Variants in INPP4B observed in about 807,000 individuals in gnomAD.
The protein encoded by INPP4B is inositol polyphosphate 4-phosphatase type II.
INPP4B carries 55 observed loss-of-function variants against 122.5 expected under a neutral mutation model. The ratio of observed to expected loss-of-function variants is 0.45; its 90% confidence interval spans 0.36 to 0.56. The LOEUF is 0.56. Among genes scored for constraint, INPP4B ranks in the 20% least tolerant of loss-of-function variants. The pLI, the probability that INPP4B is intolerant of heterozygous loss-of-function variation, is 0.00. For synonymous variants in INPP4B, 403 were observed against 388.7 expected, an observed-to-expected ratio of 1.04 and a Z score of -0.43; for missense variants, 1,000 against 1,097.7, an observed-to-expected ratio of 0.91 and a Z score of 1.26.
At chr4:142,314,184 C>G (rs982651633) in intron 8 of INPP4B, among the ~76,000 whole-genome samples, 8 of 152,208 alleles carry the variant, frequency 5.3e-5, no homozygotes, top group African/African-American at 1.9e-4. Flanking sequence ...GCACCCAGTA[C>G]CTTCTTGTTC....
chr4:142,672,266 T>C (rs1441285971), intron 2 of INPP4B, among the ~76,000 whole-genome samples: 2 of 152,146 alleles, frequency 1.3e-5, no homozygotes, highest in Non-Finnish European at 2.9e-5. Flanking sequence ...AGGAGAGAGA[T>C]TGGTGGGTCA....
At chr4:142,084,976 C>G (rs377704670) in intron 24 of INPP4B, among the ~76,000 whole-genome samples, 2 of 152,018 alleles carry the variant, frequency 1.3e-5, no homozygotes, top group African/African-American at 4.8e-5. Context: ...AATTAACAAC[C>G]GTAGTGGTCT....
At chr4:142,736,735 C>T (rs958960013) in intron 1 of INPP4B, among the ~76,000 whole-genome samples, 17 of 152,148 alleles carry the variant, frequency 1.1e-4, no homozygotes, top group African/African-American at 3.9e-4. Flanking sequence ...ACAATCATGT[C>T]ATCTGCAAAC....
At chr4:142,557,398 G>A (rs1218061850) in intron 2 of INPP4B, among the ~76,000 whole-genome samples, 1 of 152,154 alleles carries the variant, frequency 6.6e-6, no homozygotes, top group African/African-American at 2.4e-5. Flanking sequence ...AAGACCTGGA[G>A]AGACGCACAG....
chr4:142,391,501 G>A (rs1797655218), intron 7 of INPP4B, among the ~76,000 whole-genome samples: 1 of 152,206 alleles, frequency 6.6e-6, no homozygotes, highest in African/African-American at 2.4e-5. Flanking sequence ...AGCAGAGGTT[G>A]CAGTAAGCCG....
intron 2 of INPP4B, among the ~76,000 whole-genome samples, chr4:142,585,307 G>T (rs1355504661): frequency 2.6e-5 from 4 of 152,048 alleles, no homozygotes; most frequent in Non-Finnish European, 4.4e-5. Flanking sequence ...TTCTATCTTG[G>T]CTGTCAAATG....
chr4:142,591,085 C>T (rs1331499851), intron 2 of INPP4B, among the ~76,000 whole-genome samples: 3 of 151,938 alleles, frequency 2.0e-5, no homozygotes, highest in South Asian at 2.1e-4. Context: ...GAGGCCGAGG[C>T]GGGCAGATCA....
intron 11 of INPP4B, among the ~76,000 whole-genome samples, chr4:142,249,540 T>G (rs72939266): frequency 0.057 from 8,602 of 152,132 alleles, 495 homozygotes; most frequent in East Asian, 0.21. Context: ...TTTCATGAAG[T>G]GTTTCTAAAA....
intron 15 of INPP4B, among the ~76,000 whole-genome samples, chr4:142,174,511 C>T (rs1827119085): frequency 6.6e-6 from 1 of 152,082 alleles, no homozygotes; most frequent in South Asian, 2.1e-4. Context: ...AGAAAAAGGA[C>T]ATTAGTAGCA....
chr4:142,394,205 G>T (rs1798624231), intron 7 of INPP4B, among the ~76,000 whole-genome samples: 1 of 152,178 alleles, frequency 6.6e-6, no homozygotes, highest in Admixed American at 6.5e-5. Flanking sequence ...GAGTGCTGGG[G>T]CACAATCTCA....
chr4:142,686,373 C>T (rs1759349733), intron 2 of INPP4B, among the ~76,000 whole-genome samples: 2 of 152,002 alleles, frequency 1.3e-5, no homozygotes, highest in Middle Eastern at 3.4e-3. Context: ...GGGTCAAAGC[C>T]AAAAGAAAAA....
intron 15 of INPP4B, among the ~76,000 whole-genome samples, chr4:142,177,112 T>C (rs1486186693): frequency 6.6e-6 from 1 of 152,162 alleles, no homozygotes; most frequent in Non-Finnish European, 1.5e-5. Flanking sequence ...TTCAGTCTCC[T>C]TTGGAGCAGA....
intron 2 of INPP4B, among the ~76,000 whole-genome samples, chr4:142,702,475 A>G (rs1761923566): frequency 6.6e-6 from 1 of 152,192 alleles, no homozygotes; most frequent in Non-Finnish European, 1.5e-5. Flanking sequence ...CTGTACTCCC[A>G]GCAATTTGGG....
chr4:142,172,571 C>T (rs1324458033), intron 16 of INPP4B, among the ~76,000 whole-genome samples: 2 of 151,896 alleles, frequency 1.3e-5, no homozygotes, highest in Non-Finnish European at 2.9e-5. Context: ...TTAGACAATT[C>T]ACTCGAACTT....
At chr4:142,757,645 A>G (rs1192630634) in intron 1 of INPP4B, among the ~76,000 whole-genome samples, 1 of 152,000 alleles carries the variant, frequency 6.6e-6, no homozygotes. Context: ...ATAATTTTCC[A>G]TTGTCTGGAT....
rs538656769 is a variant in INPP4B at position 142,376,886 on chromosome 4, C to T, written c.372+26052G>A. 1.2e-3 allele frequency among the ~76,000 whole-genome samples: 188 copies of T among 152,000 alleles called. 1 individual carries two copies. The highest frequency in any genetic ancestry group is 2.3e-3 in the Non-Finnish European group (158 of 67,926). ...CCTATTGAGGATCAAATGTGGTGCT[C>T]TCTGTACAAATTATTTGTAATTAAT... On this transcript the variant is annotated intron_variant, in intron 7 of 25. Transcript: ENST00000262992.
intron 2 of INPP4B, among the ~76,000 whole-genome samples, chr4:142,696,366 C>A (rs1761027604): frequency 6.6e-6 from 1 of 152,094 alleles, no homozygotes; most frequent in South Asian, 2.1e-4. Context: ...CCCAGCAGCT[C>A]AAGGGAACAA....
intron 2 of INPP4B, among the ~76,000 whole-genome samples, chr4:142,523,023 G>A (rs188497961): frequency 7.4e-4 from 112 of 152,146 alleles, no homozygotes; most frequent in Non-Finnish European, 1.4e-3. Context: ...GAAAGCAAAG[G>A]TAAACTGGAG....
chr4:142,606,223 C>T (rs891640756), intron 2 of INPP4B, among the ~76,000 whole-genome samples: 1 of 151,492 alleles, frequency 6.6e-6, no homozygotes, highest in Non-Finnish European at 1.5e-5. Context: ...GAGAATAGAA[C>T]TAGAATGATA....
Sources: gnomAD v4.1 joint callset for allele counts (sites outside exome capture counted in the v4.1 genomes callset) on GRCh38, gnomAD v4.1.1 for gene constraint, MANE v1.5 for transcripts, NCBI Gene and HGNC (gene_info 2026-07-23, HGNC 2026-07-21) for gene names.